The following PHIP variants were observed in gnomAD, a reference collection of about 807,000 sequenced individuals.
PHIP encodes PHIP subunit of CUL4-Ring ligase complex.
PHIP carries 54 observed loss-of-function variants against 236.8 expected under a neutral mutation model. The observed-to-expected ratio is 0.23, with a 90% CI of 0.18 to 0.29. The LOEUF is 0.29. Among genes scored for constraint, PHIP ranks in the 10% least tolerant of loss-of-function variants. The pLI is 1.00. For synonymous variants in PHIP, 756 were observed against 718.9 expected (o/e 1.05, Z -0.83); for missense variants, 1,370 against 2,190.8 (o/e 0.63, Z 7.48).
At chr6:79,034,357 T>C (rs1006140253) in intron 7 of PHIP, among the ~76,000 whole-genome samples, 1 of 152,318 alleles carries the variant, frequency 6.6e-6, no homozygotes, top group African/African-American at 2.4e-5. Flanking sequence ...CCACAGGTCT[T>C]TATGACGTGG....
chr6:79,054,809 A>C (rs1772992041), intron 6 of PHIP, among the ~76,000 whole-genome samples: 2 of 152,006 alleles, frequency 1.3e-5, no homozygotes, highest in African/African-American at 2.4e-5. Context: ...ATATGGCAAA[A>C]TATAGCACAA....
chr6:79,078,011 G>T lies in PHIP; in HGVS notation c.40+18C>A. The T allele has an allele frequency of 6.2e-7, 1 of 1,602,244 alleles. No homozygotes were observed. Among genetic ancestry groups the T allele is most frequent in the Non-Finnish European group, 8.5e-7 (1 of 1,175,274 alleles). On this transcript the variant is annotated intron_variant, in intron 1 of 39. Transcript: ENST00000275034. ...GGAATCGCCCGGTGCCAGCGGCCCC[G>T]GCAGCCCCCCGACTTACCCGATCGC...
intron 17 of PHIP, among the ~76,000 whole-genome samples, chr6:79,000,067 C>T (rs1769886778): frequency 6.6e-6 from 1 of 151,934 alleles, no homozygotes; most frequent in South Asian, 2.1e-4. Context: ...TTCCCTAACT[C>T]TGAGAGATTT....
In PHIP at chr6:78,983,055, T is replaced by C; in HGVS notation, c.2600A>G (p.Lys867Arg). 6.2e-7 allele frequency: 1 copy of C among 1,612,630 alleles called. No individual in the cohort carries two copies. The highest frequency in any genetic ancestry group is 8.5e-7 in the Non-Finnish European group (1 of 1,179,424). ...ADAGINLQPP[K>R]KVPKNKTKKA... ...CTTGGTTTTATTCTTAGGAACTTTCTTTGGTGGCTGCAGATTAATTCCTGC... is the reference window on the plus strand; with the variant it reads ...CTTGGTTTTATTCTTAGGAACTTTCCTTGGTGGCTGCAGATTAATTCCTGC... Residue 867 changes from lysine to arginine, a missense_variant, in exon 23 of 40, where the codon AAG (lysine) becomes AGG (arginine). By Grantham distance (26) the Lys-to-Arg change is conservative. Coordinates refer to ENST00000275034, the MANE Select transcript of PHIP (RefSeq NM_017934.7).
chr6:79,070,016 T>G (rs1773806290), intron 4 of PHIP, among the ~76,000 whole-genome samples: 1 of 152,044 alleles, frequency 6.6e-6, no homozygotes, highest in Non-Finnish European at 1.5e-5. Flanking sequence ...ATACTACGCT[T>G]CCAAATTTTA....
intron 19 of PHIP, among the ~76,000 whole-genome samples, chr6:78,993,397 T>C (rs768966029): frequency 1.3e-5 from 2 of 152,220 alleles, no homozygotes; most frequent in Non-Finnish European, 2.9e-5. Context: ...GCCATCTAAA[T>C]GGAAGAAGAT....
chr6:78,946,687 T>G, intron 37 of PHIP, 24 bp downstream of exon 37: 1 of 1,526,282 alleles, frequency 6.6e-7, no homozygotes, highest in Non-Finnish European at 8.7e-7. Flanking sequence ...GATCAGCTAG[T>G]GGTATTTAAA....
intron 37 of PHIP, 133 bp from the exon 38 acceptor site, chr6:78,946,393 A>G: frequency 7.2e-7 from 1 of 1,394,052 alleles, no homozygotes. Context: ...AGTGGATTTC[A>G]TATGATTGTG....
chr6:78,965,076 C>A (rs879287810), intron 29 of PHIP, among the ~76,000 whole-genome samples: 2 of 152,230 alleles, frequency 1.3e-5, no homozygotes, highest in African/African-American at 2.4e-5. Flanking sequence ...TTATTAAATC[C>A]TGAATGTGTC....
chr6:78,946,669 A>C, intron 37 of PHIP, 42 bp downstream of exon 37: 1 of 1,492,202 alleles, frequency 6.7e-7, no homozygotes, highest in Non-Finnish European at 8.9e-7. Context: ...ATTTAGATGA[A>C]AGTTATAGAT....
At chr6:78,993,219 G>C (rs1769384767) in intron 19 of PHIP, among the ~76,000 whole-genome samples, 1 of 152,236 alleles carries the variant, frequency 6.6e-6, no homozygotes, top group Non-Finnish European at 1.5e-5. Context: ...AGCTAGCAGA[G>C]GTTGGTTCAT....
At chr6:79,030,231 T>C (rs1771603922) in intron 7 of PHIP, among the ~76,000 whole-genome samples, 1 of 152,072 alleles carries the variant, frequency 6.6e-6, no homozygotes, top group South Asian at 2.1e-4. Context: ...AGTTTGGAAA[T>C]GCAGTGGAAT....
intron 19 of PHIP, among the ~76,000 whole-genome samples, chr6:78,992,067 A>G (rs1769290617): frequency 6.7e-6 from 1 of 148,464 alleles, no homozygotes; most frequent in Admixed American, 6.8e-5. Context: ...GGTTCACACC[A>G]TTCTCCTGCC....
intron 9 of PHIP, 24 bp downstream of exon 9, chr6:79,025,495 C>G: frequency 7.3e-7 from 1 of 1,365,514 alleles, no homozygotes; most frequent in Admixed American, 1.7e-5. Flanking sequence ...CACATTTAAT[C>G]TATGAAATAA....
chr6:79,002,149 G>C (rs774572470), intron 16 of PHIP, 25 bp from the exon 17 acceptor site: 8 of 1,497,108 alleles, frequency 5.3e-6, no homozygotes, highest in Non-Finnish European at 7.4e-6. Flanking sequence ...GTCCATAAAA[G>C]ACTGGAAAAA....
intron 9 of PHIP, among the ~76,000 whole-genome samples, chr6:79,020,306 AT>A (rs1771054058): frequency 6.6e-6 from 1 of 152,216 alleles, no homozygotes; most frequent in East Asian, 1.9e-4. Flanking sequence ...AATTTAAAAA[AT>A]AAGTTTGTAA....
At chr6:78,991,738 G>T (rs1047258003) in intron 19 of PHIP, among the ~76,000 whole-genome samples, 2 of 151,808 alleles carry the variant, frequency 1.3e-5, no homozygotes, top group Non-Finnish European at 2.9e-5. Flanking sequence ...ATGTTATCAT[G>T]TTACTTAACG....
intron 9 of PHIP, among the ~76,000 whole-genome samples, chr6:79,020,623 T>G (rs555098697): frequency 6.6e-6 from 1 of 152,322 alleles, no homozygotes; most frequent in South Asian, 2.1e-4. Flanking sequence ...AATATGCAAA[T>G]AGTCCTATAA....
At position 78,940,938 on chromosome 6, in the gene PHIP, T is replaced by C. The variant is rs1773470114; in HGVS notation, c.5221A>G (p.Ser1741Gly). Residue 1741 changes from serine to glycine, a missense_variant, in exon 40 of 40, where the codon AGT becomes GGT. By Grantham distance (56) the Ser-to-Gly change is moderately conservative (BLOSUM62 0). Coordinates refer to ENST00000275034, the MANE Select transcript of PHIP (RefSeq NM_017934.7). ...VPASVKVLRR[S>G]NRKKIDDPID... Reference sequence around the variant, plus strand: ...GGATCATCTATCTTTTTTCGGTTACTTCTCCTTAACACTTTGACACTTGCA... The same window carrying C: ...GGATCATCTATCTTTTTTCGGTTACCTCTCCTTAACACTTTGACACTTGCA... 6.2e-7 allele frequency: 1 copy of C among 1,614,078 alleles called. No homozygotes were observed. The highest frequency in any genetic ancestry group is 2.2e-5 in the East Asian group (1 of 44,872).
Sources: allele counts gnomAD v4.1 joint callset (sites outside exome capture counted in the v4.1 genomes callset), GRCh38; gene constraint gnomAD v4.1.1; transcripts MANE v1.5; gene names NCBI Gene and HGNC (gene_info 2026-07-23, HGNC 2026-07-21).